IL1RAPL2: variants seen among roughly 807,000 people sequenced by gnomAD.
IL1RAPL2 encodes X-linked interleukin-1 receptor accessory protein-like 2.
A neutral mutation model predicts 44.1 loss-of-function variants in IL1RAPL2; 3 were observed. The observed-to-expected ratio is 0.07, with a 90% confidence interval of 0.03 to 0.18. The LOEUF is 0.18. Among genes scored for constraint, IL1RAPL2 ranks in the 10% least tolerant of loss-of-function variants. The pLI, the probability that IL1RAPL2 is intolerant of heterozygous loss-of-function variation, is 1.00. For synonymous variants in IL1RAPL2, 181 were observed against 178.8 expected, an observed-to-expected ratio of 1.01 and a Z score of -0.10; for missense variants, 391 against 496.4, an observed-to-expected ratio of 0.79 and a Z score of 2.02.
chrX:105,222,332 TAGAG>T (rs1336587908), intron 3 of IL1RAPL2, among the ~76,000 whole-genome samples: 1 of 112,304 alleles, frequency 8.9e-6, no homozygotes, highest in African/African-American at 3.2e-5. Context: ...GTCAGATAAT[TAGAG>T]AGGAAAAAGA....
In IL1RAPL2 at chrX:105,767,303, A is replaced by G. The variant is rs773293687; in HGVS notation, c.1703A>G (p.His568Arg). 1.7e-6 allele frequency: 2 copies of G among 1,208,405 alleles called. No individual in the cohort carries two copies. Among genetic ancestry groups the G allele is most frequent in the Non-Finnish European group, 1.1e-6 (1 of 893,535 alleles). Residue 568 changes from histidine (H) to arginine (R), a missense_variant, in exon 11 of 11, where the codon CAT becomes CGT. Physicochemically the swap from His to Arg is conservative, Grantham distance 29 (BLOSUM62 0). This residue lies in a region of IL1RAPL2 where 232 missense variants were observed against 244.8 expected (regional missense o/e 0.95). Transcript: ENST00000372582. The part of the protein sequence containing the change: ...IKKKEMLPRC[H>R]VLDSAEQGLF... ...AAAAAAGAAATGCTACCTCGGTGCC[A>G]TGTTCTGGACTCCGCAGAACAAGGA...
chrX:105,115,635 A>G (rs1299317038), intron 2 of IL1RAPL2, among the ~76,000 whole-genome samples: 2 of 112,747 alleles, frequency 1.8e-5, no homozygotes, highest in Non-Finnish European at 3.8e-5. Flanking sequence ...TCCCTTAGCT[A>G]GACATAAAGA....
chrX:105,251,143 C>A (rs1267274262), intron 4 of IL1RAPL2, among the ~76,000 whole-genome samples: 5 of 110,630 alleles, frequency 4.5e-5, no homozygotes, highest in Non-Finnish European at 5.7e-5. Flanking sequence ...TTTCTAAATG[C>A]TACCACTTAT....
intron 5 of IL1RAPL2, among the ~76,000 whole-genome samples, chrX:105,478,434 C>T (rs1369322978): frequency 1.8e-5 from 2 of 111,144 alleles, no homozygotes. Flanking sequence ...ATAATCTTTC[C>T]TAGGCCTGGA....
intron 6 of IL1RAPL2, among the ~76,000 whole-genome samples, chrX:105,645,680 C>T (rs766696386): frequency 1.8e-5 from 2 of 111,953 alleles, no homozygotes; most frequent in African/African-American, 3.3e-5. Flanking sequence ...TGCTACCCCA[C>T]ACAGTTTTAT....
At chrX:105,040,161 C>A (rs890836121) in intron 2 of IL1RAPL2, among the ~76,000 whole-genome samples, 2 of 111,233 alleles carry the variant, frequency 1.8e-5, no homozygotes, top group African/African-American at 6.6e-5. Context: ...GTCTTTGGTT[C>A]TGTTTATATG....
At chrX:105,159,436 G>A (rs923986913) in intron 2 of IL1RAPL2, among the ~76,000 whole-genome samples, 1 of 112,108 alleles carries the variant, frequency 8.9e-6, no homozygotes, top group Non-Finnish European at 1.9e-5. Context: ...AGGAAACAAG[G>A]CAGGGAGACA....
At chrX:105,457,464 T>G (rs2036064319) in intron 5 of IL1RAPL2, among the ~76,000 whole-genome samples, 1 of 110,171 alleles carries the variant, frequency 9.1e-6, no homozygotes. Context: ...TGTGTACATT[T>G]GCCTATTCTG....
chrX:104,662,195 T>C (rs1930414479), intron 2 of IL1RAPL2, among the ~76,000 whole-genome samples: 1 of 112,024 alleles, frequency 8.9e-6, no homozygotes, highest in Non-Finnish European at 1.9e-5. Flanking sequence ...TTTTGGGTGG[T>C]GTACAATTTT....
intron 2 of IL1RAPL2, among the ~76,000 whole-genome samples, chrX:104,773,394 A>G (rs1352175443): frequency 2.7e-5 from 3 of 111,450 alleles, no homozygotes; most frequent in Non-Finnish European, 5.6e-5. Flanking sequence ...TTTTATTTGT[A>G]TGTATTAACT....
At chrX:104,847,723 T>G (rs1427876709) in intron 2 of IL1RAPL2, among the ~76,000 whole-genome samples, 2 of 112,125 alleles carry the variant, frequency 1.8e-5, no homozygotes, top group Non-Finnish European at 3.8e-5. Flanking sequence ...TTTCCAATTC[T>G]GTGAAGAAAG....
chrX:104,638,982 GTCTA>G (rs912438215), intron 1 of IL1RAPL2, among the ~76,000 whole-genome samples: 7 of 112,351 alleles, frequency 6.2e-5, no homozygotes, highest in Admixed American at 5.6e-4. Flanking sequence ...CTTCATTGCA[GTCTA>G]TCTTTCTTTT....
intron 2 of IL1RAPL2, among the ~76,000 whole-genome samples, chrX:104,833,101 C>T (rs754192131): frequency 8.9e-6 from 1 of 111,923 alleles, no homozygotes; most frequent in African/African-American, 3.2e-5. Context: ...CATTAAAATA[C>T]ACTCACTTGC....
At chrX:104,992,760 A>G (rs1169265813) in intron 2 of IL1RAPL2, among the ~76,000 whole-genome samples, 1 of 111,342 alleles carries the variant, frequency 9.0e-6, no homozygotes, top group Non-Finnish European at 1.9e-5. Flanking sequence ...GAAAAAGGCC[A>G]CAAAATCCAA....
intron 2 of IL1RAPL2, among the ~76,000 whole-genome samples, chrX:105,076,348 T>C (rs751646623): frequency 1.2e-3 from 129 of 111,482 alleles, no homozygotes; most frequent in African/African-American, 4.0e-3. Context: ...TGTAATTGAG[T>C]GGTTTTGAGT....
chrX:105,428,499 C>T (rs1053258148), intron 5 of IL1RAPL2, among the ~76,000 whole-genome samples: 2 of 111,567 alleles, frequency 1.8e-5, no homozygotes, highest in African/African-American at 6.5e-5. Flanking sequence ...CATCTGAGCC[C>T]ACCTTCACCC....
At chrX:105,722,700 C>G (rs2038316050) in intron 7 of IL1RAPL2, among the ~76,000 whole-genome samples, 1 of 111,739 alleles carries the variant, frequency 8.9e-6, no homozygotes, top group Non-Finnish European at 1.9e-5. Context: ...TCAGTGCTCT[C>G]TCTGTCTGTA....
intron 6 of IL1RAPL2, among the ~76,000 whole-genome samples, chrX:105,566,864 T>C (rs989119170): frequency 3.6e-5 from 4 of 110,402 alleles, no homozygotes; most frequent in Non-Finnish European, 7.6e-5. Flanking sequence ...CTGAATAATT[T>C]AGACACCAAC....
chrX:105,003,022 A>C (rs2030879543), intron 2 of IL1RAPL2, among the ~76,000 whole-genome samples: 1 of 111,435 alleles, frequency 9.0e-6, no homozygotes, highest in African/African-American at 3.3e-5. Context: ...GGATGCAATC[A>C]ATGGGGTTTC....
Sources: allele counts gnomAD v4.1 joint callset (sites outside exome capture counted in the v4.1 genomes callset), GRCh38; gene constraint gnomAD v4.1.1; regional missense constraint gnomAD v4.1.1; transcripts MANE v1.5; gene names NCBI Gene and HGNC (gene_info 2026-07-23, HGNC 2026-07-21).